The following CACNG7 variants were observed in gnomAD, a reference collection of about 807,000 sequenced individuals.
CACNG7 encodes the protein calcium voltage-gated channel auxiliary subunit gamma 7, also known as voltage-dependent calcium channel gamma-7 subunit.
Under a neutral mutation model 26.3 loss-of-function variants are expected in CACNG7, and 9 were observed. The observed-to-expected ratio is 0.34, with a 90% confidence interval of 0.21 to 0.60. CACNG7 has a LOEUF of 0.60. Ranked by LOEUF, CACNG7 falls within the 20% of genes least tolerant of loss-of-function variation. The probability of loss-of-function intolerance (pLI) is 0.81; values close to 1 mark genes in which losing one functional copy is unlikely to be tolerated. For synonymous variants in CACNG7, 170 were observed against 157.0 expected, an observed-to-expected ratio of 1.08 and a Z score of -0.62; for missense variants, 297 against 380.4, an observed-to-expected ratio of 0.78 and a Z score of 1.82.
At chr19:53,941,433 C>T in intron 4 of CACNG7, 37 bp from the exon 5 acceptor site, 7 of 1,490,484 alleles carry the variant, frequency 4.7e-6, no homozygotes, top group Non-Finnish European at 6.2e-6. Context: ...AAGGGGCCCA[C>T]TTCTAATGGA....
chr19:53,924,615 T>G (rs1270329563), intron 4 of CACNG7, among the ~76,000 whole-genome samples: 1 of 130,550 alleles, frequency 7.7e-6, no homozygotes, highest in Non-Finnish European at 1.6e-5. Flanking sequence ...CCCAGGCTGG[T>G]CATTGGTGGA....
intron 4 of CACNG7, among the ~76,000 whole-genome samples, chr19:53,923,363 C>T (rs2068982593): frequency 7.2e-6 from 1 of 139,804 alleles, no homozygotes; most frequent in Non-Finnish European, 1.6e-5. Flanking sequence ...GGAGTTGCCC[C>T]AGGTCTGGTC....
In CACNG7 at chr19:53,921,929, TCCCCAGGTCTGGTCATTGGTGGAGTTG is replaced by T. The variant is rs1265754501; in HGVS notation, c.424+6432_424+6458del. On this transcript the variant is annotated intron_variant, in intron 4 of 5. Transcript: ENST00000391767. The stretch of plus-strand genomic sequence containing the variant: ...CCCAGGTCTGGTATTGGTGGAGTTG[TCCCCAGGTCTGGTCATTGGTGGAGTTG>T]CCCCAGGCCTGGTCATTGGTGGAGT... Among the ~76,000 whole-genome samples, 170 of 94,528 alleles carry T rather than the reference TCCCCAGGTCTGGTCATTGGTGGAGTTG, an allele frequency of 1.8e-3. 8 individuals are homozygous for T. The highest frequency in any genetic ancestry group is 2.2e-3 in the Non-Finnish European group (109 of 50,262). The allele number at this position is 94,528 out of a possible 152,430, so 62.0% of individuals were successfully genotyped here.
At chr19:53,920,150 CATTGGTGGAGTTGTCCCCAGGCCTGGT>C in intron 4 of CACNG7, among the ~76,000 whole-genome samples, 2 of 91,838 alleles carry the variant, frequency 2.2e-5, no homozygotes, top group South Asian at 4.6e-4. Context: ...CAGGTCTGGT[CATTGGTGGAGTTGTCCCCAGGCCTGGT>C]ATTGGTGGAG....
chr19:53,911,563 G>C (rs1388363084), intron 1 of CACNG7, among the ~76,000 whole-genome samples: 3 of 152,166 alleles, frequency 2.0e-5, no homozygotes, highest in Non-Finnish European at 2.9e-5. Context: ...GCAAGATTGG[G>C]TTTTAAGACG....
At chr19:53,935,323 CT>C (rs924568571) in intron 4 of CACNG7, among the ~76,000 whole-genome samples, 756 of 141,724 alleles carry the variant, frequency 5.3e-3, no homozygotes, top group Middle Eastern at 0.011. Context: ...CCAATACTGT[CT>C]TTTTTTTTTT....
chr19:53,942,155 G>A lies in CACNG7; in HGVS notation c.690G>A (p.Gln230=). ...RLSDCSDYSG[Q]FLQPEAWRRG... Reference sequence around the variant, plus strand: ...GCGACTGCTCCGACTACTCGGGCCAGTTCCTGCAGCCCGAGGCGTGGCGCC... The same window carrying A: ...GCGACTGCTCCGACTACTCGGGCCAATTCCTGCAGCCCGAGGCGTGGCGCC... Residue 230 remains glutamine (Q), a synonymous_variant, in exon 6 of 6, where the codon CAG becomes CAA. Coordinates refer to ENST00000391767, the MANE Select transcript of CACNG7 (RefSeq NM_031896.5). This position sits in a 1 kb window ranked among gnomAD's most constrained non-coding sequence, Gnocchi z 5.9. The A allele has an allele frequency of 6.2e-7, 1 of 1,614,086 alleles. No homozygotes were observed. Among genetic ancestry groups the A allele is most frequent in the Non-Finnish European group, 8.5e-7 (1 of 1,179,970 alleles).
In CACNG7 at chr19:53,942,193, C is replaced by T; in HGVS notation, c.728C>T (p.Pro243Leu). Residue 243 changes from proline (P) to leucine (L), a missense_variant, in exon 6 of 6, where the codon CCC (proline) becomes CTC (leucine). Pro to Leu is a moderately conservative substitution (Grantham distance 98, BLOSUM62 -3). Transcript: ENST00000391767. This position sits in a 1 kb window ranked among gnomAD's most constrained non-coding sequence, Gnocchi z 5.9. The part of the protein sequence containing the change: ...QPEAWRRGRS[P>L]SDISSDVSIQ... ...GAGGCGTGGCGCCGCGGCCGGAGCC[C>T]CTCCGACATCTCCAGCGACGTGTCC... 1 of 1,614,058 alleles carries T rather than the reference C, an allele frequency of 6.2e-7. No individual in the cohort carries two copies. Among genetic ancestry groups the T allele is most frequent in the Non-Finnish European group, 8.5e-7 (1 of 1,179,962 alleles).
intron 4 of CACNG7, among the ~76,000 whole-genome samples, chr19:53,926,903 ACT>A (rs763165603): frequency 1.4e-4 from 21 of 152,044 alleles, no homozygotes; most frequent in Non-Finnish European, 2.4e-4. Flanking sequence ...ACAGAACAAG[ACT>A]CTGTCTCAGA....
intron 4 of CACNG7, among the ~76,000 whole-genome samples, chr19:53,919,805 T>TC (rs1270365789): frequency 6.9e-5 from 7 of 100,940 alleles, no homozygotes; most frequent in East Asian, 3.2e-4. Flanking sequence ...CCAGGCCCGG[T>TC]ATTGGTGGAG....
At chr19:53,914,692 G>T in intron 3 of CACNG7, 106 bp downstream of exon 3, 1 of 1,018,928 alleles carries the variant, frequency 9.8e-7, no homozygotes, top group South Asian at 1.3e-5. Context: ...CCAAGGGAAG[G>T]AGGGGAGGCT....
chr19:53,919,527 G>A lies in CACNG7; in HGVS notation c.424+4022G>A, dbSNP rs1415882803. On this transcript the variant is annotated intron_variant, in intron 4 of 5. Coordinates refer to ENST00000391767, the MANE Select transcript of CACNG7 (RefSeq NM_031896.5). The stretch of plus-strand genomic sequence containing the variant: ...TGTCCCCAGGCCTGGTATTGGTGGA[G>A]TTGCCTCAGGTCTGGTCATTGGTGG... Among the ~76,000 whole-genome samples the A allele has an allele frequency of 2.8e-5, 4 of 141,564 alleles. No homozygotes were observed. In the South Asian group the frequency reaches 6.8e-4, roughly 24 times the overall value. 92.9% of individuals were successfully genotyped at this position (141,564 alleles called of 152,430 possible).
rs1258538649 is a variant in CACNG7, at chr19:53,920,657, T to A, written c.424+5152T>A. Among the ~76,000 whole-genome samples, 3 of 92,088 alleles carry A rather than the reference T, an allele frequency of 3.3e-5. 1 individual carries two copies. Among genetic ancestry groups the A allele is most frequent in the Non-Finnish European group, 2.0e-5 (1 of 50,388 alleles). The allele number at this position is 92,088 out of a possible 152,430, so 60.4% of individuals were successfully genotyped here. ...CATTGGTGGAGTTGCCCCAGGCTGG[T>A]CATTGGTGGAGTTGCCCCAGGTCTG... On this transcript the variant is annotated intron_variant, in intron 4 of 5. Coordinates refer to ENST00000391767, the MANE Select transcript of CACNG7 (RefSeq NM_031896.5).
At chr19:53,916,405 A>T (rs1218329452) in intron 4 of CACNG7, among the ~76,000 whole-genome samples, 3 of 119,790 alleles carry the variant, frequency 2.5e-5, no homozygotes, top group Non-Finnish European at 4.8e-5. Context: ...AATTGCATAG[A>T]GAGTTGCCCA....
intron 4 of CACNG7, among the ~76,000 whole-genome samples, chr19:53,923,670 A>T (rs1460606323): frequency 7.2e-6 from 1 of 137,958 alleles, no homozygotes; most frequent in Non-Finnish European, 1.6e-5. Context: ...AGGTCTGGTC[A>T]TTGGTGGAGT....
At chr19:53,941,837 G>T (rs1014043641) in intron 5 of CACNG7, among the ~76,000 whole-genome samples, 199 bp from the exon 6 acceptor site, 8 of 152,064 alleles carry the variant, frequency 5.3e-5, no homozygotes, top group Non-Finnish European at 1.2e-4. Flanking sequence ...GGGACTCCTG[G>T]GTCTTGAGGG....
intron 1 of CACNG7, among the ~76,000 whole-genome samples, chr19:53,911,077 T>TTG (rs2068859093): frequency 6.6e-6 from 1 of 151,436 alleles, no homozygotes; most frequent in African/African-American, 2.4e-5. Context: ...TTCATGATTT[T>TTG]TTTTTTTGAG....
At chr19:53,915,217 AAG>A (rs2068888149) in intron 3 of CACNG7, 146 bp from the exon 4 acceptor site, 3 of 625,760 alleles carry the variant, frequency 4.8e-6, no homozygotes, top group Admixed American at 5.1e-5. Context: ...GGGGAAGGAG[AAG>A]AGTCAGTGGG....
intron 4 of CACNG7, among the ~76,000 whole-genome samples, chr19:53,927,763 G>A (rs866373590): frequency 4.6e-5 from 7 of 151,636 alleles, no homozygotes; most frequent in Admixed American, 2.6e-4. Context: ...GCTTGAACCC[G>A]GGAGGCGGAG....
Sources: gnomAD v4.1 joint callset for allele counts (sites outside exome capture counted in the v4.1 genomes callset) on GRCh38, gnomAD v4.1.1 for gene constraint, Gnocchi (gnomAD v3.1) non-coding constraint, MANE v1.5 for transcripts, NCBI Gene and HGNC (gene_info 2026-07-23, HGNC 2026-07-21) for gene names.